PDLIM1: variants seen among roughly 807,000 people sequenced by gnomAD.
The protein encoded by PDLIM1 is PDZ and LIM domain protein 1.
A neutral mutation model predicts 35.2 loss-of-function variants in PDLIM1; 25 were observed. The ratio of observed to expected loss-of-function variants is 0.71; its 90% CI spans 0.52 to 0.99. The LOEUF (loss-of-function observed/expected upper bound fraction) is 0.99, where lower values mean the gene tolerates loss of function less well. Ranked by LOEUF, PDLIM1 falls within the 50% of genes least tolerant of loss-of-function variation. The pLI, the probability that PDLIM1 is intolerant of heterozygous loss-of-function variation, is 0.00. For synonymous variants in PDLIM1, 152 were observed against 154.0 expected, an observed-to-expected ratio of 0.99 and a Z score of 0.10; for missense variants, 363 against 415.3, an observed-to-expected ratio of 0.87 and a Z score of 1.09.
intron 6 of PDLIM1, 76 bp downstream of exon 6, chr10:95,238,492 C>A: frequency 1.1e-6 from 1 of 933,756 alleles, no homozygotes; most frequent in Non-Finnish European, 1.8e-6. Context: ...AAATGTGCAA[C>A]ATCCAGCACT....
At chr10:95,287,551 G>A (rs1233332504) in intron 1 of PDLIM1, among the ~76,000 whole-genome samples, 1 of 152,184 alleles carries the variant, frequency 6.6e-6, no homozygotes, top group Non-Finnish European at 1.5e-5. Flanking sequence ...TCTTTTATCA[G>A]TTGCTGGGAG....
intron 1 of PDLIM1, chr10:95,273,193 G>A (rs537954652): frequency 1.3e-5 from 2 of 152,212 alleles, no homozygotes; most frequent in South Asian, 4.1e-4. Flanking sequence ...CAGGATCAAG[G>A]TGGCAGTAAC....
intron 2 of PDLIM1, among the ~76,000 whole-genome samples, chr10:95,270,917 A>AT (rs139127349): frequency 0.027 from 4,143 of 151,522 alleles, 166 homozygotes; most frequent in African/African-American, 0.091. Flanking sequence ...CACCTGGCTA[A>AT]TTTTTTAATT....
intron 3 of PDLIM1, 47 bp downstream of exon 3, chr10:95,268,731 A>C (rs780430185): frequency 3.2e-6 from 4 of 1,252,792 alleles, no homozygotes; most frequent in Non-Finnish European, 3.5e-6. Flanking sequence ...CAGAAACGGC[A>C]AAGTGCTGGG....
At chr10:95,282,432 G>A (rs909130398) in intron 1 of PDLIM1, among the ~76,000 whole-genome samples, 3 of 152,168 alleles carry the variant, frequency 2.0e-5, no homozygotes, top group African/African-American at 7.2e-5. Flanking sequence ...TTTTCTCAGG[G>A]AAATGAGGCA....
intron 5 of PDLIM1, among the ~76,000 whole-genome samples, chr10:95,243,705 C>G (rs1197229351): frequency 6.6e-6 from 1 of 152,146 alleles, no homozygotes; most frequent in East Asian, 1.9e-4. Flanking sequence ...CATTGAAAGT[C>G]TCCTTCAATG....
chr10:95,274,060 C>A (rs1446403112), intron 1 of PDLIM1, among the ~76,000 whole-genome samples: 1 of 152,030 alleles, frequency 6.6e-6, no homozygotes, highest in Non-Finnish European at 1.5e-5. Context: ...AAGAGCAGTC[C>A]CCTTAGGATG....
chr10:95,262,652 C>T (rs1462576979), intron 4 of PDLIM1, among the ~76,000 whole-genome samples: 1 of 151,380 alleles, frequency 6.6e-6, no homozygotes, highest in African/African-American at 2.4e-5. Flanking sequence ...CTCATCCTGC[C>T]TGCCACTTTT....
intron 1 of PDLIM1, among the ~76,000 whole-genome samples, chr10:95,287,423 A>T (rs12260825): frequency 1.3e-5 from 2 of 152,190 alleles, no homozygotes; most frequent in African/African-American, 4.8e-5. Context: ...GAGAAAAAGC[A>T]TAAGCATTTG....
chr10:95,238,602 A>C lies in PDLIM1; in HGVS notation c.769T>G (p.Leu257Val), dbSNP rs760345620. ...GTGCCACATTTGTCACACATAGGCA[A>C]CTTCTGAGCATTTCCAATCGACGCA... is the stretch of plus-strand genomic sequence containing the variant. The part of the protein sequence containing the change: ...VAASIGNAQK[L>V]PMCDKCGTGI... Residue 257 changes from leucine to valine, a missense_variant, in exon 6 of 7, where the codon TTG becomes GTG. Leu to Val is a conservative substitution (Grantham distance 32, BLOSUM62 1). Transcript: ENST00000329399. 3 of 1,613,470 alleles carry C rather than the reference A, an allele frequency of 1.9e-6. No individual in the cohort carries two copies. The highest frequency in any genetic ancestry group is 2.5e-6 in the Non-Finnish European group (3 of 1,179,452).
At chr10:95,261,101 A>G (rs765873805) in intron 4 of PDLIM1, among the ~76,000 whole-genome samples, 1 of 152,220 alleles carries the variant, frequency 6.6e-6, no homozygotes, top group Admixed American at 6.5e-5. Context: ...ACTGCAGCCA[A>G]AGAGTCTGGG....
At chr10:95,242,338 C>A (rs1304595953) in intron 5 of PDLIM1, among the ~76,000 whole-genome samples, 3 of 152,072 alleles carry the variant, frequency 2.0e-5, no homozygotes, top group Non-Finnish European at 2.9e-5. Flanking sequence ...TTTAATATTG[C>A]ATTTAAATGT....
chr10:95,273,816 C>T (rs1248689659), intron 1 of PDLIM1, among the ~76,000 whole-genome samples: 1 of 152,144 alleles, frequency 6.6e-6, no homozygotes, highest in Non-Finnish European at 1.5e-5. Flanking sequence ...AAAAAAAATT[C>T]CTCCGTTTTC....
At chr10:95,276,800 C>A (rs2035515032) in intron 1 of PDLIM1, among the ~76,000 whole-genome samples, 1 of 150,588 alleles carries the variant, frequency 6.6e-6, no homozygotes, top group African/African-American at 2.4e-5. Context: ...CAGAGTCCAC[C>A]CACTTAACCA....
chr10:95,277,655 T>C (rs1223600622), intron 1 of PDLIM1, among the ~76,000 whole-genome samples: 1 of 151,596 alleles, frequency 6.6e-6, no homozygotes, highest in Non-Finnish European at 1.5e-5. Flanking sequence ...TAAAATAAAA[T>C]AAAATAAAAC....
At chr10:95,238,538 C>CTCACATATCCCCA (rs1173866076) in intron 6 of PDLIM1, 30 bp downstream of exon 6, 2 of 1,341,774 alleles carry the variant, frequency 1.5e-6, no homozygotes, top group South Asian at 2.3e-5. Flanking sequence ...CCTGCAGGGT[C>CTCACATATCCCCA]TGCAAAGGCT....
intron 4 of PDLIM1, among the ~76,000 whole-genome samples, chr10:95,250,147 G>A (rs1042602806): frequency 6.6e-6 from 1 of 152,026 alleles, no homozygotes; most frequent in Non-Finnish European, 1.5e-5. Context: ...ATTATTTTTG[G>A]ATAAATCTTT....
intron 1 of PDLIM1, among the ~76,000 whole-genome samples, chr10:95,285,477 G>A (rs1371667180): frequency 6.6e-6 from 1 of 152,160 alleles, no homozygotes; most frequent in Non-Finnish European, 1.5e-5. Context: ...AGTGGTTAAA[G>A]CTGGCCTGGA....
intron 4 of PDLIM1, 93 bp downstream of exon 4, chr10:95,263,763 TCCCTGGAG>T: frequency 1.3e-6 from 1 of 772,190 alleles, no homozygotes; most frequent in Admixed American, 2.7e-5. Flanking sequence ...GTCATTTTTC[TCCCTGGAG>T]TAGTGGCTCT....
Sources: allele counts gnomAD v4.1 joint callset (sites outside exome capture counted in the v4.1 genomes callset), GRCh38; gene constraint gnomAD v4.1.1; transcripts MANE v1.5; gene names NCBI Gene and HGNC (gene_info 2026-07-23, HGNC 2026-07-21).